GRIK4: variants seen among roughly 807,000 people sequenced by gnomAD.
The protein encoded by GRIK4 is glutamate ionotropic receptor kainate type subunit 4.
Under a neutral mutation model 104.9 loss-of-function variants are expected in GRIK4, and 40 were observed. That is an observed-to-expected ratio of 0.38 (90% CI 0.30 to 0.50). The LOEUF is 0.50. Among genes scored for constraint, GRIK4 ranks in the 20% least tolerant of loss-of-function variants. The pLI is 0.93. For missense variants in GRIK4, 1,047 were observed against 1,308.1 expected, an observed-to-expected ratio of 0.80 and a Z score of 3.08; for synonymous variants, 485 against 524.9, an observed-to-expected ratio of 0.92 and a Z score of 1.04.
intron 1 of GRIK4, among the ~76,000 whole-genome samples, chr11:120,528,124 C>T (rs1186409657): frequency 1.3e-5 from 2 of 152,058 alleles, no homozygotes; most frequent in African/African-American, 4.8e-5. Context: ...CCACAATGCT[C>T]AGCTATTTTT....
chr11:120,519,877 T>TG (rs1947775324), intron 1 of GRIK4, among the ~76,000 whole-genome samples: 1 of 106,574 alleles, frequency 9.4e-6, no homozygotes, highest in Non-Finnish European at 1.9e-5. Flanking sequence ...TTTTTTTTTT[T>TG]TTGTTTTTTT....
At chr11:120,942,540 A>T (rs1447100049) in intron 14 of GRIK4, among the ~76,000 whole-genome samples, 1 of 152,178 alleles carries the variant, frequency 6.6e-6, no homozygotes, top group East Asian at 1.9e-4. Context: ...AGATGGCAGA[A>T]GGTACCTGAC....
At chr11:120,684,501 G>A (rs1486113045) in intron 3 of GRIK4, among the ~76,000 whole-genome samples, 2 of 152,118 alleles carry the variant, frequency 1.3e-5, no homozygotes, top group African/African-American at 4.8e-5. Flanking sequence ...GAGACAATAC[G>A]AACACACATG....
chr11:120,871,859 G>T (rs1184380520), intron 9 of GRIK4: 4 of 456,336 alleles, frequency 8.8e-6, no homozygotes, highest in South Asian at 6.2e-5. Context: ...TTGTGATGCG[G>T]GTGAACTTGG....
rs368838949 is a variant in GRIK4 at position 120,923,505 on chromosome 11, C to T, written c.1477-16842C>T. On this transcript the variant is annotated intron_variant, in intron 13 of 20. Transcript: ENST00000527524. ...TCGGCTCACTGCAAGCTCCGCCTCC[C>T]GGGTTCACACCATTCTCCTGCCTCA... 8.6e-5 allele frequency among the ~76,000 whole-genome samples: 13 copies of T among 150,842 alleles called. No individual in the cohort carries two copies. In the East Asian group the frequency reaches 2.0e-3, roughly 23 times the overall value.
chr11:120,607,849 C>T (rs537612336), intron 1 of GRIK4, among the ~76,000 whole-genome samples: 1 of 152,132 alleles, frequency 6.6e-6, no homozygotes, highest in African/African-American at 2.4e-5. Context: ...GGGAAGAAAG[C>T]CTGGCAAGTC....
intron 1 of GRIK4, among the ~76,000 whole-genome samples, chr11:120,597,016 C>T (rs372385123): frequency 4.6e-5 from 7 of 152,204 alleles, no homozygotes; most frequent in African/African-American, 7.2e-5. Flanking sequence ...TGAGCCACCG[C>T]GCCTGGCTGA....
chr11:120,678,245 G>T (rs1311122357), intron 3 of GRIK4, among the ~76,000 whole-genome samples: 1 of 152,188 alleles, frequency 6.6e-6, no homozygotes, highest in Non-Finnish European at 1.5e-5. Flanking sequence ...CCCCACCTCT[G>T]CTGGTTTCCT....
At chr11:120,617,783 G>T (rs997659645) in intron 1 of GRIK4, among the ~76,000 whole-genome samples, 2 of 152,132 alleles carry the variant, frequency 1.3e-5, no homozygotes, top group Non-Finnish European at 2.9e-5. Flanking sequence ...GTTTTCTGAG[G>T]CCTCCCCAGA....
rs1954274622 is a variant in GRIK4 at position 120,861,885 on chromosome 11, T to C, written c.745-74T>C. On this transcript the variant is annotated intron_variant, in intron 8 of 20. Transcript: ENST00000527524. ...TGGACTAGAATGTGGTACCCAGATA[T>C]GCTTTACCAAAGTCCATCCCTCACT... 5.3e-6 allele frequency: 6 copies of C among 1,132,144 alleles called. No homozygotes were observed. In the South Asian group the frequency reaches 6.9e-5, roughly 13 times the overall value. 70.1% of individuals were successfully genotyped at this position (1,132,144 alleles called of 1,614,324 possible). A position where few individuals can be genotyped will look rare whatever the true frequency, so the allele number is the denominator to read the frequency against.
chr11:120,511,836 G>A lies in GRIK4; in HGVS notation c.-210G>A, dbSNP rs1186053470. 9 of 352,460 alleles carry A rather than the reference G, an allele frequency of 2.6e-5. No individual in the cohort carries two copies. The highest frequency in any genetic ancestry group is 4.0e-5 in the Non-Finnish European group (7 of 173,310). The allele number at this position is 352,460 out of a possible 1,614,324, so 21.8% of individuals were successfully genotyped here. A position where few individuals can be genotyped will look rare whatever the true frequency, so the allele number is the denominator to read the frequency against. On this transcript the variant is annotated 5_prime_UTR_variant, in exon 1 of 21. Transcript: ENST00000527524. ...ACGGCCAACAGCAGCCCCGCGGCCG[G>A]CCCGGCAGCGCCCGGCCCCCGGCTC...
intron 13 of GRIK4, among the ~76,000 whole-genome samples, chr11:120,934,711 C>T (rs1943558213): frequency 6.6e-6 from 1 of 152,094 alleles, no homozygotes; most frequent in South Asian, 2.1e-4. Context: ...AGAACACTTT[C>T]AGTCAAAAAT....
Position 120,513,581 on chromosome 11 carries a change from C to T in GRIK4, c.-159+1694C>T, listed in dbSNP as rs1028377377. ...TGGCCAGATGTGTTCCTCAAGGTCA[C>T]GACCCTTCGGAGAGTTAATCTAATA... On this transcript the variant is annotated intron_variant, in intron 1 of 20. Transcript: ENST00000527524. This position sits in a 1 kb window ranked among gnomAD's most constrained non-coding sequence, Gnocchi z 4.5. Among the ~76,000 whole-genome samples, 4 of 152,206 alleles carry T rather than the reference C, an allele frequency of 2.6e-5. No homozygotes were observed. Among genetic ancestry groups the T allele is most frequent in the African/African-American group, 7.2e-5 (3 of 41,444 alleles).
chr11:120,610,676 G>A (rs936066039), intron 1 of GRIK4, among the ~76,000 whole-genome samples: 9 of 152,180 alleles, frequency 5.9e-5, no homozygotes, highest in African/African-American at 2.2e-4. Flanking sequence ...TGTGGTCTGC[G>A]GAGCTCACTC....
intron 1 of GRIK4, among the ~76,000 whole-genome samples, chr11:120,644,912 CAA>C (rs1407064027): frequency 6.6e-6 from 1 of 151,410 alleles, no homozygotes; most frequent in African/African-American, 2.4e-5. Flanking sequence ...AAAAAGAGGA[CAA>C]AAAAGAAAAA....
intron 6 of GRIK4, among the ~76,000 whole-genome samples, chr11:120,820,962 C>T (rs1425098617): frequency 1.3e-5 from 2 of 152,188 alleles, no homozygotes; most frequent in East Asian, 1.9e-4. Context: ...AACTGAGTTC[C>T]AACTCAGCTG....
chr11:120,874,021 A>C, intron 9 of GRIK4, 45 bp from the exon 10 acceptor site: 1 of 1,547,846 alleles, frequency 6.5e-7, no homozygotes, highest in Non-Finnish European at 8.8e-7. Flanking sequence ...TTCTTCCTCT[A>C]CACCTCTCAC....
chr11:120,749,327 C>G (rs913957622), intron 3 of GRIK4, among the ~76,000 whole-genome samples: 2 of 152,186 alleles, frequency 1.3e-5, no homozygotes, highest in Non-Finnish European at 2.9e-5. Flanking sequence ...AAGAAGCCCC[C>G]TCCTCTCTTC....
rs571797052 is a variant in GRIK4 at position 120,580,415 on chromosome 11, A to G, written c.-159+68528A>G. ...CTCAGCCTCCTAAGTAGCTGGGATT[A>G]CAGGTGCACACCACCATGCCTAGCT... is the stretch of plus-strand genomic sequence containing the variant. On this transcript the variant is annotated intron_variant, in intron 1 of 20. Coordinates refer to ENST00000527524, the MANE Select transcript of GRIK4 (RefSeq NM_014619.5). 5.3e-5 allele frequency among the ~76,000 whole-genome samples: 8 copies of G among 151,454 alleles called. No individual in the cohort carries two copies. The South Asian group carries it at 1.7e-3, about 32-fold the overall frequency.
Sources: allele counts gnomAD v4.1 joint callset (sites outside exome capture counted in the v4.1 genomes callset), GRCh38; gene constraint gnomAD v4.1.1; non-coding constraint Gnocchi (gnomAD v3.1); transcripts MANE v1.5; gene names NCBI Gene and HGNC (gene_info 2026-07-23, HGNC 2026-07-21).